Variants in MACF1 observed in about 807,000 individuals in gnomAD.
The protein encoded by MACF1 is microtubule actin crosslinking factor 1, also known as microtubule-actin cross-linking factor 1.
MACF1 carries 193 observed loss-of-function variants against 854.8 expected under a neutral mutation model. The observed-to-expected ratio is 0.23, with a 90% confidence interval of 0.20 to 0.25. The LOEUF is 0.25. MACF1 is among the 10% of genes least tolerant of loss of function. The pLI, the probability that MACF1 is intolerant of heterozygous loss-of-function variation, is 1.00. For synonymous variants in MACF1, 3,185 were observed against 3,226.7 expected (o/e 0.99, Z 0.44); for missense variants, 7,722 against 8,929.1 (o/e 0.86, Z 5.45).
upstream of MACF1, among the ~76,000 whole-genome samples, chr1:39,201,603 C>T (rs548468018): frequency 5.4e-4 from 82 of 152,242 alleles, no homozygotes; most frequent in South Asian, 5.6e-3. Context: ...CCACCTGCCT[C>T]GGCCTCCCAA....
intron 2 of MACF1, among the ~76,000 whole-genome samples, chr1:39,153,184 A>G (rs1643618117): frequency 6.6e-6 from 1 of 152,032 alleles, no homozygotes; most frequent in African/African-American, 2.4e-5. Flanking sequence ...GAGATCTATA[A>G]CCTTGTTCCA....
At position 39,387,793 on chromosome 1, in the gene MACF1, A is replaced by T. The variant is rs1641862070; in HGVS notation, c.14951A>T (p.Lys4984Met). The T allele has an allele frequency of 1.2e-6, 2 of 1,614,196 alleles. No homozygotes were observed. Among genetic ancestry groups the T allele is most frequent in the Non-Finnish European group, 1.7e-6 (2 of 1,180,038 alleles). ...EADEDGIRDE[K>M]AGINQNMDAV... The stretch of plus-strand genomic sequence containing the variant: ...GATGAGGATGGAATCCGGGATGAGA[A>T]GGCTGGGATCAACCAGAACATGGAT... The change falls in exon 58 of 101, where the codon AAG (lysine) becomes ATG (methionine). Residue 4984 changes from lysine to methionine, a missense_variant. Coordinates refer to ENST00000564288, the MANE Select transcript of MACF1 (RefSeq NM_001394062.1).
chr1:39,167,869 G>A (rs544067149), intron 2 of MACF1, among the ~76,000 whole-genome samples: 6 of 75,302 alleles, frequency 8.0e-5, no homozygotes, highest in African/African-American at 1.9e-4. Flanking sequence ...GCGAGACTCC[G>A]TCTCAAAAAA....
At chr1:39,291,033 G>A (rs1645773175) in intron 15 of MACF1, among the ~76,000 whole-genome samples, 2 of 150,890 alleles carry the variant, frequency 1.3e-5, no homozygotes, top group Non-Finnish European at 2.9e-5. Context: ...GTGCAGTGGC[G>A]TGATCTCCAG....
intron 2 of MACF1, among the ~76,000 whole-genome samples, chr1:39,155,588 A>G (rs1643666385): frequency 6.6e-6 from 1 of 152,244 alleles, no homozygotes; most frequent in Non-Finnish European, 1.5e-5. Flanking sequence ...GCTGAGGTCC[A>G]TGTGATACTT....
chr1:39,236,733 C>T (rs1404644635), intron 2 of MACF1, among the ~76,000 whole-genome samples: 1 of 152,132 alleles, frequency 6.6e-6, no homozygotes, highest in Non-Finnish European at 1.5e-5. Context: ...GCAATCTCAG[C>T]TCACTGCAAC....
intron 80 of MACF1, among the ~76,000 whole-genome samples, chr1:39,445,115 C>T (rs537215640): frequency 6.6e-6 from 1 of 152,270 alleles, no homozygotes; most frequent in East Asian, 1.9e-4. Flanking sequence ...TACTTAAAAA[C>T]AAGGTTTTGC....
intron 58 of MACF1, among the ~76,000 whole-genome samples, chr1:39,393,194 A>ATATATATATATATATAT (rs1354096240): frequency 5.0e-5 from 4 of 79,244 alleles, no homozygotes; most frequent in African/African-American, 1.1e-4. Context: ...AAAAAAAAAA[A>ATATATATATATATATAT]AAATATATAT....
rs1257672599 is a variant in MACF1 at position 39,473,326 on chromosome 1, A to T, written c.21958+3711A>T. On this transcript the variant is annotated intron_variant, in intron 97 of 100. Transcript: ENST00000564288. The stretch of plus-strand genomic sequence containing the variant: ...CAGCATAGGATCCTGTGATAGAATT[A>T]AACAGGTCCTCAGATCACAAAATGC... Among the ~76,000 whole-genome samples the T allele has an allele frequency of 5.3e-5, 8 of 152,218 alleles. No individual in the cohort carries two copies. In the South Asian group the frequency reaches 1.4e-3, roughly 28 times the overall value.
rs1348063190 is a variant in MACF1 at position 39,333,528 on chromosome 1, C to T, written c.6940C>T (p.Arg2314Ter). The T allele has an allele frequency of 8.7e-6, 14 of 1,614,008 alleles. No homozygotes were observed. Among genetic ancestry groups the T allele is most frequent in the Non-Finnish European group, 1.1e-5 (13 of 1,180,028 alleles). ...GCTCTTACTAAATGAAGCAATATCC[C>T]GAGGCATTGTGCCAAGTCACACTGC... The part of the protein sequence containing the change: ...QKLLLNEAIS[R>*]GIVPSHTAVK... The change falls in exon 37 of 101, where the codon CGA becomes TGA. Residue 2314 changes from arginine (R) to a stop codon, truncating the protein, a stop_gained. Transcript: ENST00000564288. LOFTEE classifies it high-confidence loss of function.
chr1:39,403,565 C>T (rs1288074551), intron 58 of MACF1, among the ~76,000 whole-genome samples: 2 of 152,032 alleles, frequency 1.3e-5, no homozygotes, highest in African/African-American at 2.4e-5. Flanking sequence ...ACTACTATGC[C>T]CCTAGTAACC....
In MACF1 at chr1:39,289,693, C is replaced by CTTTTTTTTTTT. The variant is rs58188740; in HGVS notation, c.1785+2153_1785+2163dup. Among the ~76,000 whole-genome samples, 245 of 28,972 alleles carry CTTTTTTTTTTT rather than the reference C, an allele frequency of 8.5e-3. 92 individuals carry two copies. Among genetic ancestry groups the CTTTTTTTTTTT allele is most frequent in the Non-Finnish European group, 0.012 (197 of 16,778 alleles). 19.0% of individuals were successfully genotyped at this position (28,972 alleles called of 152,430 possible). On this transcript the variant is annotated intron_variant, in intron 15 of 100. Coordinates refer to ENST00000564288, the MANE Select transcript of MACF1 (RefSeq NM_001394062.1). ...ATTTTCTCCCATTCTGTGGGTTGTC[C>CTTTTTTTTTTT]TTTTTTTTTTTTTTTTTTTTTTTTT...
intron 23 of MACF1, chr1:39,304,215 A>G: frequency 1.1e-5 from 2 of 184,734 alleles, no homozygotes; most frequent in South Asian, 1.2e-4. Flanking sequence ...CCGGTGTGTG[A>G]TGTTCCCCTT....
rs558380470 is a variant in MACF1 at position 39,260,832 on chromosome 1, AT to A, written c.528+2812del. Among the ~76,000 whole-genome samples, 18 of 151,922 alleles carry A rather than the reference AT, an allele frequency of 1.2e-4. No homozygotes were observed. The South Asian group carries it at 1.5e-3, about 12-fold the overall frequency. Reference sequence around the variant, plus strand: ...TGTTTAACCTCTTTGACTTTATATCATTTTTTTTCTTATACTGAAAATCTTG... The same window carrying A: ...TGTTTAACCTCTTTGACTTTATATCATTTTTTTCTTATACTGAAAATCTTG... On this transcript the variant is annotated intron_variant, in intron 6 of 100. Coordinates refer to ENST00000564288, the MANE Select transcript of MACF1 (RefSeq NM_001394062.1).
chr1:39,190,713 G>A (rs1218918230), intron 2 of MACF1, among the ~76,000 whole-genome samples: 1 of 151,918 alleles, frequency 6.6e-6, no homozygotes, highest in Non-Finnish European at 1.5e-5. Flanking sequence ...GTCAAAAACT[G>A]AGCTGGAGGT....
Position 39,317,314 on chromosome 1 carries a change from C to T in MACF1, c.3689C>T (p.Thr1230Ile), listed in dbSNP as rs1646431269. The T allele has an allele frequency of 6.2e-7, 1 of 1,614,084 alleles. No individual in the cohort carries two copies. The highest frequency in any genetic ancestry group is 8.5e-7 in the Non-Finnish European group (1 of 1,180,028). ...GTGGCAGAGCAGATGAGTCGTCTGACACCAGAGCGAAATCTGGATTTGGAG... is the reference window on the plus strand; with the variant it reads ...GTGGCAGAGCAGATGAGTCGTCTGATACCAGAGCGAAATCTGGATTTGGAG... ...KVVAEQMSRL[T>I]PERNLDLERY... Residue 1230 changes from threonine to isoleucine, a missense_variant, in exon 29 of 101, where the codon ACA (threonine) becomes ATA (isoleucine). By Grantham distance (89) the Thr-to-Ile change is moderately conservative. Around this residue, in one of 15 missense-constraint regions of MACF1, gnomAD observed 1,137 missense variants for 1,263.0 expected, o/e 0.90. Transcript: ENST00000564288.
chr1:39,445,421 T>C (rs1158549107), intron 80 of MACF1, among the ~76,000 whole-genome samples: 1 of 152,214 alleles, frequency 6.6e-6, no homozygotes, highest in Non-Finnish European at 1.5e-5. Flanking sequence ...ATGAAATATA[T>C]ACATACACAA....
intron 2 of MACF1, chr1:39,154,021 C>G (rs1018423173): frequency 2.0e-5 from 3 of 152,162 alleles, no homozygotes; most frequent in Admixed American, 6.5e-5. Flanking sequence ...ATAATAGTAG[C>G]AACTGGTTGT....
chr1:39,393,196 A>AAAAAAAAAATATATATATATATATATAT (rs57576149), intron 58 of MACF1, among the ~76,000 whole-genome samples: 2 of 66,574 alleles, frequency 3.0e-5, no homozygotes, highest in African/African-American at 8.4e-5. Context: ...AAAAAAAAAA[A>AAAAAAAAAATATATATATATATATATAT]ATATATATAT....
Sources: gnomAD v4.1 joint callset for allele counts (sites outside exome capture counted in the v4.1 genomes callset) on GRCh38, gnomAD v4.1.1 for gene constraint, gnomAD v4.1.1 regional missense constraint, MANE v1.5 for transcripts, NCBI Gene and HGNC (gene_info 2026-07-23, HGNC 2026-07-21) for gene names.